Variants in RABGEF1 observed in about 807,000 individuals in gnomAD.
RABGEF1 encodes RAB guanine nucleotide exchange factor 1, also known as rab5 GDP/GTP exchange factor.
Under a neutral mutation model 57.3 loss-of-function variants are expected in RABGEF1, and 26 were observed. The ratio of observed to expected loss-of-function variants is 0.45; its 90% CI spans 0.33 to 0.63. The LOEUF is 0.63. RABGEF1 is among the 20% of genes least tolerant of loss of function. The probability of loss-of-function intolerance (pLI) is 0.02; values close to 1 mark genes in which losing one functional copy is unlikely to be tolerated. For synonymous variants in RABGEF1, 185 were observed against 210.7 expected, an observed-to-expected ratio of 0.88 and a Z score of 1.06; for missense variants, 464 against 607.6, an observed-to-expected ratio of 0.76 and a Z score of 2.48.
intron 6 of RABGEF1, 24 bp from the exon 7 acceptor site, chr7:66,799,299 T>C (rs376494424): frequency 1.2e-5 from 18 of 1,555,478 alleles, no homozygotes; most frequent in Non-Finnish European, 1.6e-5. Context: ...TTGGAGCTCT[T>C]GTTTACTGTC....
chr7:66,684,592 A>G (rs1790312503), intron 1 of RABGEF1, among the ~76,000 whole-genome samples: 1 of 152,150 alleles, frequency 6.6e-6, no homozygotes. Flanking sequence ...GTAGCTGGGA[A>G]CACAGGCTTC....
chr7:66,754,039 G>A (rs1405899153), intron 1 of RABGEF1, among the ~76,000 whole-genome samples: 2 of 145,460 alleles, frequency 1.4e-5, no homozygotes, highest in Non-Finnish European at 3.0e-5. Context: ...GTCTTGCTCT[G>A]TTGCCCAGGC....
chr7:66,773,651 G>A (rs1807760052), intron 2 of RABGEF1: 1 of 453,666 alleles, frequency 2.2e-6, no homozygotes, highest in African/African-American at 2.0e-5. Context: ...CTTTTAGATA[G>A]TGCTTGTGCT....
At chr7:66,685,344 C>A (rs1162040314) in intron 1 of RABGEF1, among the ~76,000 whole-genome samples, 1 of 151,908 alleles carries the variant, frequency 6.6e-6, no homozygotes, top group Non-Finnish European at 1.5e-5. Context: ...GTATTTTAAT[C>A]TTCTCTGCTC....
the RABGEF1 span, among the ~76,000 whole-genome samples, chr7:66,674,762 T>C: frequency 6.6e-6 from 1 of 152,080 alleles, no homozygotes; most frequent in Admixed American, 6.6e-5. Context: ...TCATCTTTAC[T>C]GATCTAGGAG....
intron 1 of RABGEF1, among the ~76,000 whole-genome samples, chr7:66,757,757 G>A (rs1397397545): frequency 1.4e-4 from 21 of 152,196 alleles, no homozygotes; most frequent in Middle Eastern, 3.4e-3. Context: ...GACTACAGGC[G>A]CCTGCCACCA....
At chr7:66,670,897 A>ACACACACG in the RABGEF1 span, among the ~76,000 whole-genome samples, 1 of 141,636 alleles carries the variant, frequency 7.1e-6, no homozygotes, top group African/African-American at 2.7e-5. Flanking sequence ...ATACGTATAC[A>ACACACACG]CACACACACA....
chr7:66,754,736 A>G (rs1415956462), intron 1 of RABGEF1, among the ~76,000 whole-genome samples: 2 of 152,266 alleles, frequency 1.3e-5, no homozygotes, highest in Admixed American at 6.5e-5. Flanking sequence ...CTGAATAAAT[A>G]CATTTCACGT....
At chr7:66,665,635 A>G in the RABGEF1 span, among the ~76,000 whole-genome samples, 1 of 152,146 alleles carries the variant, frequency 6.6e-6, no homozygotes, top group Non-Finnish European at 1.5e-5. Context: ...CTTTGAAGAA[A>G]GGGTACAAGA....
chr7:66,782,066 T>C (rs913500697), intron 3 of RABGEF1, among the ~76,000 whole-genome samples: 1 of 152,230 alleles, frequency 6.6e-6, no homozygotes, highest in East Asian at 1.9e-4. Context: ...AGAAGCAGAA[T>C]TATTAGAGAA....
chr7:66,758,782 T>C (rs1381766142), intron 1 of RABGEF1, among the ~76,000 whole-genome samples: 2 of 152,254 alleles, frequency 1.3e-5, no homozygotes, highest in African/African-American at 2.4e-5. Flanking sequence ...TCTCTTTTTA[T>C]ACTTAGAAGC....
upstream of RABGEF1, among the ~76,000 whole-genome samples, chr7:66,735,759 A>G (rs1797879677): frequency 6.6e-6 from 1 of 152,092 alleles, no homozygotes; most frequent in African/African-American, 2.4e-5. Context: ...CATGATTGTA[A>G]GTTTCCAGAG....
At chr7:66,797,047 C>T (rs1786115429) in intron 5 of RABGEF1, among the ~76,000 whole-genome samples, 1 of 151,844 alleles carries the variant, frequency 6.6e-6, no homozygotes, top group Non-Finnish European at 1.5e-5. Flanking sequence ...CACCTATAAA[C>T]CTAGTACTTT....
chr7:66,657,703 C>G, the RABGEF1 span, among the ~76,000 whole-genome samples: 1 of 152,156 alleles, frequency 6.6e-6, no homozygotes, highest in African/African-American at 2.4e-5. Context: ...GGCCTGTAAT[C>G]CCAGCTACTT....
intron 2 of RABGEF1, among the ~76,000 whole-genome samples, chr7:66,774,769 C>A (rs1368894498): frequency 3.3e-5 from 5 of 151,820 alleles, no homozygotes; most frequent in Non-Finnish European, 5.9e-5. Context: ...CAAAAACAAC[C>A]AAAAAAAGGA....
chr7:66,785,691 G>A lies in RABGEF1; in HGVS notation c.513+1850G>A, dbSNP rs190388338. Among the ~76,000 whole-genome samples the A allele has an allele frequency of 7.9e-5, 12 of 152,266 alleles. No homozygotes were observed. In the East Asian group the frequency reaches 1.9e-3, roughly 25 times the overall value. On this transcript the variant is annotated intron_variant, in intron 4 of 8. Coordinates refer to ENST00000284957, the MANE Select transcript of RABGEF1 (RefSeq NM_014504.3). The stretch of plus-strand genomic sequence containing the variant: ...AGATAGAGACCATCCTGGCTATCAC[G>A]GTGAAACCTTGTCTCTACTAAAAAT...
rs1219166416 is a variant in RABGEF1 at position 66,810,731 on chromosome 7, C to T, written c.*1447C>T. 6.6e-5 allele frequency: 10 copies of T among 152,314 alleles called. No homozygotes were observed. Among genetic ancestry groups the T allele is most frequent in the Admixed American group, 4.6e-4 (7 of 15,300 alleles). The allele number at this position is 152,314 out of a possible 1,614,324, so 9.4% of individuals were successfully genotyped here. On this transcript the variant is annotated 3_prime_UTR_variant, in exon 9 of 9. Transcript: ENST00000284957. ...AATCGTGCATGAGGCCCCAGGGCAC[C>T]GTTCTAGAACAACGTCACTTCACAC... is the stretch of plus-strand genomic sequence containing the variant.
chr7:66,773,034 A>G lies in RABGEF1; in HGVS notation c.179+956A>G, dbSNP rs955350853. 6.6e-5 allele frequency among the ~76,000 whole-genome samples: 10 copies of G among 152,060 alleles called. No homozygotes were observed. In the East Asian group the frequency reaches 9.6e-4, roughly 15 times the overall value. Reference sequence around the variant, plus strand: ...ATTCTAGAATTCTAAAACTGCTTCAACAGAAGAAAGTCAAATGGAATTCTG... The same window carrying G: ...ATTCTAGAATTCTAAAACTGCTTCAGCAGAAGAAAGTCAAATGGAATTCTG... On this transcript the variant is annotated intron_variant, in intron 2 of 8. Transcript: ENST00000284957.
chr7:66,792,110 CAA>C (rs200920841), intron 4 of RABGEF1, among the ~76,000 whole-genome samples: 2,050 of 90,962 alleles, frequency 0.023, 52 homozygotes, highest in East Asian at 0.14. Context: ...GACTCCATCT[CAA>C]AAAAAAAAAA....
Sources: gnomAD v4.1 joint callset for allele counts (sites outside exome capture counted in the v4.1 genomes callset) on GRCh38, gnomAD v4.1.1 for gene constraint, MANE v1.5 for transcripts, NCBI Gene and HGNC (gene_info 2026-07-23, HGNC 2026-07-21) for gene names.